Variants in ALK observed in about 807,000 individuals in gnomAD.
The protein encoded by ALK is ALK receptor tyrosine kinase.
ALK carries 74 observed loss-of-function variants against 163.1 expected under a neutral mutation model. The observed-to-expected ratio is 0.45, with a 90% CI of 0.38 to 0.55. The LOEUF is 0.55. Ranked by LOEUF, ALK falls within the 20% of genes least tolerant of loss-of-function variation. ALK has a pLI of 0.00. For synonymous variants in ALK, 960 were observed against 843.2 expected, an observed-to-expected ratio of 1.14 and a Z score of -2.40; for missense variants, 2,063 against 2,105.3, an observed-to-expected ratio of 0.98 and a Z score of 0.39.
At chr2:29,644,879 T>A (rs188837069) in intron 3 of ALK, among the ~76,000 whole-genome samples, 110 of 152,288 alleles carry the variant, frequency 7.2e-4, no homozygotes, top group Non-Finnish European at 1.4e-3. Context: ...GATCCTGACT[T>A]GCTTGGTTCA....
intron 1 of ALK, among the ~76,000 whole-genome samples, chr2:29,879,368 T>C: frequency 6.6e-6 from 1 of 152,202 alleles, no homozygotes; most frequent in East Asian, 1.9e-4. Context: ...ACACACTGCT[T>C]CCTCCATCAA....
At position 29,880,970 on chromosome 2, in the gene ALK, G is replaced by A. The variant is rs1175814702; in HGVS notation, c.667+39023C>T. On this transcript the variant is annotated intron_variant, in intron 1 of 28. Coordinates refer to ENST00000389048, the MANE Select transcript of ALK (RefSeq NM_004304.5). ...TTTTAGTAGTCTAGATCTGGCCCCG[G>A]ACAGAGAAAGGAGCCAAGGGTGGAC... Among the ~76,000 whole-genome samples the A allele has an allele frequency of 3.9e-5, 6 of 152,150 alleles. No homozygotes were observed. In the South Asian group the frequency reaches 1.2e-3, roughly 32 times the overall value.
chr2:29,876,309 G>A (rs375924675), intron 1 of ALK, among the ~76,000 whole-genome samples: 1 of 145,560 alleles, frequency 6.9e-6, no homozygotes, highest in Admixed American at 6.7e-5. Context: ...GATGACAGTG[G>A]TGGTGATGGT....
At chr2:29,583,446 A>G (rs189441023) in intron 3 of ALK, among the ~76,000 whole-genome samples, 64 of 152,126 alleles carry the variant, frequency 4.2e-4, no homozygotes, top group African/African-American at 1.4e-3. Flanking sequence ...AGCTTCCCCA[A>G]TGCAACCGAA....
chr2:29,194,258 C>G (rs921903220), intron 28 of ALK, among the ~76,000 whole-genome samples: 1 of 151,846 alleles, frequency 6.6e-6, no homozygotes, highest in Admixed American at 6.6e-5. Flanking sequence ...TTGTATTATT[C>G]CAGTCTAGTT....
chr2:29,850,084 A>T (rs1343676914), intron 1 of ALK, among the ~76,000 whole-genome samples: 1 of 152,210 alleles, frequency 6.6e-6, no homozygotes, highest in East Asian at 1.9e-4. Context: ...ATGCCCATTG[A>T]CAGTAGAACA....
chr2:29,455,046 T>G (rs115746773), intron 4 of ALK, among the ~76,000 whole-genome samples: 2,229 of 152,232 alleles, frequency 0.015, 49 homozygotes, highest in African/African-American at 0.05. Context: ...CATTCCGAGC[T>G]CTTGAAAAGG....
At chr2:29,874,505 A>AT (rs1428713996) in intron 1 of ALK, among the ~76,000 whole-genome samples, 3 of 152,218 alleles carry the variant, frequency 2.0e-5, no homozygotes, top group African/African-American at 7.2e-5. Context: ...AGCAGTTACT[A>AT]TGCCTTGGAC....
At chr2:29,583,042 G>GTTTTTTTTTTTTTTT (rs34611118) in intron 3 of ALK, among the ~76,000 whole-genome samples, 2 of 143,704 alleles carry the variant, frequency 1.4e-5, no homozygotes, top group Non-Finnish European at 1.5e-5. Flanking sequence ...TTTGTTTTTT[G>GTTTTTTTTTTTTTTT]TTTTTTTGTT....
chr2:29,611,938 A>T (rs911910259), intron 3 of ALK, among the ~76,000 whole-genome samples: 4 of 152,208 alleles, frequency 2.6e-5, no homozygotes, highest in Non-Finnish European at 5.9e-5. Flanking sequence ...TATATACAGC[A>T]GTGTGAAAAC....
At chr2:29,668,269 A>G (rs1677578647) in intron 3 of ALK, among the ~76,000 whole-genome samples, 1 of 150,980 alleles carries the variant, frequency 6.6e-6, no homozygotes, top group South Asian at 2.1e-4. Context: ...TCTCAGTTTC[A>G]TTTATTTCTG....
intron 1 of ALK, among the ~76,000 whole-genome samples, chr2:29,801,053 C>T (rs1664456280): frequency 1.3e-5 from 2 of 152,078 alleles, no homozygotes; most frequent in East Asian, 1.9e-4. Context: ...AAGCAGCTCC[C>T]CCAACCTCCC....
At chr2:29,611,191 C>A (rs1675681431) in intron 3 of ALK, among the ~76,000 whole-genome samples, 1 of 152,050 alleles carries the variant, frequency 6.6e-6, no homozygotes, top group African/African-American at 2.4e-5. Flanking sequence ...GGGGAACAGC[C>A]ACAGACAGCA....
rs753750497 is a variant in ALK, at chr2:29,193,275, G to T, written c.4812C>A (p.Tyr1604Ter). 3 of 1,614,172 alleles carry T rather than the reference G, an allele frequency of 1.9e-6. No homozygotes were observed. Among genetic ancestry groups the T allele is most frequent in the Non-Finnish European group, 2.5e-6 (3 of 1,180,008 alleles). ...TCTTGCTTTTCAGAATGGTATCCTC[G>T]TAATGACCAGCTCCAGGGGCAGTAG... ...EAATAPGAGH[Y>*]EDTILKSKNS... Residue 1604 changes from tyrosine to a stop codon, truncating the protein, a stop_gained, in exon 29 of 29, where the codon TAC becomes TAA. Transcript: ENST00000389048. LOFTEE classifies it high-confidence loss of function.
At chr2:29,420,790 T>C (rs1669998076) in intron 4 of ALK, among the ~76,000 whole-genome samples, 1 of 151,340 alleles carries the variant, frequency 6.6e-6, no homozygotes, top group Non-Finnish European at 1.5e-5. Context: ...TGGAATGTCT[T>C]GCTTTGCAAA....
rs112868490 is a variant in ALK, at chr2:29,235,175, C to T, written c.2356-1479G>A. 4.2e-3 allele frequency among the ~76,000 whole-genome samples: 646 copies of T among 152,346 alleles called. 5 individuals carry two copies. Among genetic ancestry groups the T allele is most frequent in the African/African-American group, 0.014 (602 of 41,580 alleles). Reference sequence around the variant, plus strand: ...TTCAAAAACAGCCACGCCTGCTTGTCGGCCACCACAGCTCAGACGAATTCT... The same window carrying T: ...TTCAAAAACAGCCACGCCTGCTTGTTGGCCACCACAGCTCAGACGAATTCT... On this transcript the variant is annotated intron_variant, in intron 13 of 28. Transcript: ENST00000389048.
Position 29,229,037 on chromosome 2 carries a change from A to C in ALK, c.2662T>G (p.Ser888Ala). 1 of 1,606,974 alleles carries C rather than the reference A, an allele frequency of 6.2e-7. No homozygotes were observed. The highest frequency in any genetic ancestry group is 8.5e-7 in the Non-Finnish European group (1 of 1,176,736). ...AAAGATTTTCCGGCCCAGAGCAAGG[A>C]AGTGTTATCATTCCAGCCACCTCCA... is the stretch of plus-strand genomic sequence containing the variant. ...GGGGGWNDNT[S>A]LLWAGKSLQE... Residue 888 changes from serine to alanine, a missense_variant, in exon 16 of 29, where the codon TCC becomes GCC. By Grantham distance (99) the Ser-to-Ala change is moderately conservative. Transcript: ENST00000389048.
intron 3 of ALK, among the ~76,000 whole-genome samples, chr2:29,532,381 C>A (rs540180421): frequency 6.6e-6 from 1 of 152,306 alleles, no homozygotes; most frequent in South Asian, 2.1e-4. Context: ...CTACTTCCTA[C>A]TTCTGTGTCC....
chr2:29,477,066 GA>G (rs1426548430), intron 4 of ALK, among the ~76,000 whole-genome samples: 3 of 152,160 alleles, frequency 2.0e-5, no homozygotes, highest in Non-Finnish European at 4.4e-5. Context: ...ACCCAGGCTA[GA>G]AAGGCTGTGG....
Sources: gnomAD v4.1 joint callset for allele counts (sites outside exome capture counted in the v4.1 genomes callset) on GRCh38, gnomAD v4.1.1 for gene constraint, MANE v1.5 for transcripts, NCBI Gene and HGNC (gene_info 2026-07-23, HGNC 2026-07-21) for gene names.